Variants in BORA observed in about 807,000 individuals in gnomAD.
The protein encoded by BORA is protein aurora borealis.
In BORA, 26 loss-of-function variants were observed where a neutral mutation model predicts 55.8. The ratio of observed to expected loss-of-function variants is 0.47; its 90% CI spans 0.34 to 0.65. BORA has a LOEUF of 0.65. Among genes scored for constraint, BORA ranks in the 30% least tolerant of loss-of-function variants. The pLI is 0.01. For missense variants in BORA, 568 were observed against 671.5 expected (o/e 0.85, Z 1.70); for synonymous variants, 201 against 216.9 (o/e 0.93, Z 0.64).
chr13:72,732,775 T>G (rs1671771165), intron 3 of BORA, among the ~76,000 whole-genome samples: 1 of 152,238 alleles, frequency 6.6e-6, no homozygotes, highest in Non-Finnish European at 1.5e-5. Context: ...ACTAATTTTT[T>G]GTTTCACACG....
intron 11 of BORA, chr13:72,754,314 CTTTTT>C: frequency 7.1e-6 from 1 of 140,634 alleles, no homozygotes; most frequent in Non-Finnish European, 1.5e-5. Context: ...TCTTTTTTTT[CTTTTT>C]TTTTTTTTTT....
Position 72,729,042 on chromosome 13 carries a change from C to T in BORA, c.102C>T (p.Leu34=), listed in dbSNP as rs1340428685. 2 of 1,598,730 alleles carry T rather than the reference C, an allele frequency of 1.3e-6. No homozygotes were observed. The highest frequency in any genetic ancestry group is 1.4e-5 in the African/African-American group (1 of 74,050). Residue 34 remains leucine, a synonymous_variant, in exon 2 of 12, where the codon CTC becomes CTT. Transcript: ENST00000390667. ...AAAGTCCTAGTGATTATTCTAATCTCCATGAACAAACTCTCGCCAGTCCTT... is the reference window on the plus strand; with the variant it reads ...AAAGTCCTAGTGATTATTCTAATCTTCATGAACAAACTCTCGCCAGTCCTT... ...PFESPSDYSN[L]HEQTLASPSV... is the part of the protein sequence containing the mutation.
chr13:72,732,094 A>T (rs1372355437), intron 3 of BORA, among the ~76,000 whole-genome samples: 1 of 152,234 alleles, frequency 6.6e-6, no homozygotes, highest in Non-Finnish European at 1.5e-5. Context: ...TTTGAAAAAA[A>T]TCAAATACAT....
intron 5 of BORA, among the ~76,000 whole-genome samples, chr13:72,741,544 C>T (rs1036315974): frequency 3.3e-5 from 5 of 152,042 alleles, no homozygotes; most frequent in Admixed American, 6.6e-5. Flanking sequence ...ATCTCCCATT[C>T]TGTCATATGT....
intron 3 of BORA, 63 bp from the exon 4 acceptor site, chr13:72,734,897 T>C: frequency 8.0e-7 from 1 of 1,242,846 alleles, no homozygotes; most frequent in Non-Finnish European, 1.1e-6. Flanking sequence ...AAAGGTTATT[T>C]TTTAAAATGT....
chr13:72,743,665 C>T, intron 6 of BORA, 63 bp downstream of exon 6: 1 of 1,253,816 alleles, frequency 8.0e-7, no homozygotes, highest in Non-Finnish European at 1.1e-6. Flanking sequence ...AATTCTAAAC[C>T]CAGTTCAGGT....
intron 2 of BORA, among the ~76,000 whole-genome samples, chr13:72,730,591 CCTT>C (rs1236799992): frequency 6.6e-6 from 1 of 152,072 alleles, no homozygotes; most frequent in Non-Finnish European, 1.5e-5. Context: ...AATTTCAGTT[CCTT>C]CTTAGTGAAA....
rs2033451816 is a variant in BORA, at chr13:72,755,893, G to A, written c.*677G>A. The A allele has an allele frequency of 2.5e-6, 1 of 398,458 alleles. No homozygotes were observed. Among genetic ancestry groups the A allele is most frequent in the South Asian group, 1.3e-4 (1 of 7,864 alleles). The allele number at this position is 398,458 out of a possible 1,614,324, so 24.7% of individuals were successfully genotyped here. ...GAATAAAATATACCTCATGCCTAGG[G>A]TAGGGACATCCTTTCCAGCTCAAAC... On this transcript the variant is annotated 3_prime_UTR_variant, in exon 12 of 12. Transcript: ENST00000390667.
In BORA at chr13:72,746,640, G is replaced by A. The variant is rs376135325; in HGVS notation, c.1011G>A (p.Met337Ile). 6 of 1,614,020 alleles carry A rather than the reference G, an allele frequency of 3.7e-6. No individual in the cohort carries two copies. Among genetic ancestry groups the A allele is most frequent in the Middle Eastern group, 1.6e-4 (1 of 6,082 alleles). ...ATTGGTCTCCTATGAGACTTCAGAT[G>A]TATAGTGGTGGTACTCAGTATCGGA... ...IKNWSPMRLQ[M>I]YSGGTQYRTS... The change falls in exon 10 of 12, where the codon ATG becomes ATA. Residue 337 changes from methionine (M) to isoleucine (I), a missense_variant. Physicochemically the swap from Met to Ile is conservative, Grantham distance 10. Transcript: ENST00000390667.
chr13:72,732,534 G>A (rs543200419), intron 3 of BORA, among the ~76,000 whole-genome samples: 78 of 152,028 alleles, frequency 5.1e-4, no homozygotes, highest in African/African-American at 1.5e-3. Flanking sequence ...AACATTAGCC[G>A]GGCATGGTGG....
intron 10 of BORA, 66 bp downstream of exon 10, chr13:72,747,177 T>G (rs1210384798): frequency 1.3e-6 from 2 of 1,518,948 alleles, no homozygotes; most frequent in East Asian, 4.5e-5. Context: ...TTTCTAAGAT[T>G]ATAGTATAAG....
At chr13:72,738,163 A>G (rs1032907249) in intron 5 of BORA, 120 bp downstream of exon 5, 11 of 535,032 alleles carry the variant, frequency 2.1e-5, no homozygotes, top group Non-Finnish European at 3.3e-5. Context: ...TCTGGATAAC[A>G]TAGAATTTAA....
intron 5 of BORA, among the ~76,000 whole-genome samples, chr13:72,740,021 G>A (rs2138065176): frequency 6.6e-6 from 1 of 152,008 alleles, no homozygotes; most frequent in African/African-American, 2.4e-5. Context: ...TGAGGGTTGG[G>A]GGGTCAGTCA....
chr13:72,746,469 G>C, intron 9 of BORA, 32 bp from the exon 10 acceptor site: 2 of 1,567,686 alleles, frequency 1.3e-6, no homozygotes, highest in Non-Finnish European at 1.7e-6. Context: ...ATGTTTTTAT[G>C]ATGTGATTTT....
chr13:72,756,190 T>C lies in BORA; in HGVS notation c.*974T>C, dbSNP rs936855061. ...ATTCAAAAGGGAATAAAGACCTGTG[T>C]TATCAATGTGTCATTTTCTTCTTTC... On this transcript the variant is annotated 3_prime_UTR_variant, in exon 12 of 12. Coordinates refer to ENST00000390667, the MANE Select transcript of BORA (RefSeq NM_024808.5). The C allele has an allele frequency of 2.3e-5, 1 of 42,850 alleles. No individual in the cohort carries two copies. Among genetic ancestry groups the C allele is most frequent in the Non-Finnish European group, 3.7e-5 (1 of 27,030 alleles). 2.7% of individuals were successfully genotyped at this position (42,850 alleles called of 1,614,324 possible). A position where few individuals can be genotyped will look rare whatever the true frequency, so the allele number is the denominator to read the frequency against.
intron 3 of BORA, among the ~76,000 whole-genome samples, chr13:72,734,046 G>A (rs1433002237): frequency 6.7e-6 from 1 of 150,360 alleles, no homozygotes; most frequent in Non-Finnish European, 1.5e-5. Flanking sequence ...CACACACTGG[G>A]GCCTGGTGGA....
chr13:72,731,200 A>G, intron 2 of BORA, 81 bp from the exon 3 acceptor site: 1 of 801,848 alleles, frequency 1.2e-6, no homozygotes, highest in Non-Finnish European at 2.1e-6. Context: ...ATAACCATTC[A>G]TATTATTTCT....
Position 72,745,113 on chromosome 13 carries a change from G to T in BORA, c.644G>T (p.Ser215Ile). The T allele has an allele frequency of 1.2e-6, 2 of 1,614,168 alleles. No individual in the cohort carries two copies. The highest frequency in any genetic ancestry group is 1.7e-6 in the Non-Finnish European group (2 of 1,179,990). Residue 215 changes from serine to isoleucine, a missense_variant, in exon 8 of 12, where the codon AGT becomes ATT. Ser to Ile is a moderately radical substitution (Grantham distance 142). Coordinates refer to ENST00000390667, the MANE Select transcript of BORA (RefSeq NM_024808.5). ...TCCTTACCTTCGGCTTCTCCCGGAA[G>T]TCCTCACAGTGGTGTTCAAACATCA... ...SDSLPSASPG[S>I]PHSGVQTSLE... is the part of the protein sequence containing the mutation.
In BORA at chr13:72,752,105, A is replaced by G. The variant is rs578195456; in HGVS notation, c.1483-1585A>G. On this transcript the variant is annotated intron_variant, in intron 10 of 11. Transcript: ENST00000390667. ...ACAAAGTGCATGTTAAATGACTGAC[A>G]TAGAGACACCATTTAAAGGCACCAT... is the stretch of plus-strand genomic sequence containing the variant. 4 of 152,334 alleles carry G rather than the reference A, an allele frequency of 2.6e-5. No individual in the cohort carries two copies. The East Asian group carries it at 7.7e-4, about 29-fold the overall frequency. 9.4% of individuals were successfully genotyped at this position (152,334 alleles called of 1,614,324 possible).
Sources: gnomAD v4.1 joint callset for allele counts (sites outside exome capture counted in the v4.1 genomes callset) on GRCh38, gnomAD v4.1.1 for gene constraint, MANE v1.5 for transcripts, NCBI Gene and HGNC (gene_info 2026-07-23, HGNC 2026-07-21) for gene names.